The following SLC29A2 variants were observed in gnomAD, a reference collection of about 807,000 sequenced individuals.
SLC29A2 encodes solute carrier family 29 member 2.
Under a neutral mutation model 48.8 loss-of-function variants are expected in SLC29A2, and 37 were observed. The ratio of observed to expected loss-of-function variants is 0.76; its 90% confidence interval spans 0.58 to 1.00. The LOEUF (loss-of-function observed/expected upper bound fraction) is 1.00. Among genes scored for constraint, SLC29A2 ranks in the 50% least tolerant of loss-of-function variants. The pLI is 0.00. For missense variants in SLC29A2, 533 were observed against 578.6 expected (o/e 0.92, Z 0.81); for synonymous variants, 233 against 261.7 (o/e 0.89, Z 1.06).
chr11:66,363,507 T>C lies in SLC29A2; in HGVS notation c.1300A>G (p.Met434Val). The C allele has an allele frequency of 6.2e-7, 1 of 1,614,092 alleles. No homozygotes were observed. Among genetic ancestry groups the C allele is most frequent in the Non-Finnish European group, 8.5e-7 (1 of 1,179,984 alleles). Reference sequence around the variant, plus strand: ...AGTCCCAGGGCCAGGAAGAAGGTCATGAGGGCGCCGGCCACCTCCCTCTCG... The same window carrying C: ...AGTCCCAGGGCCAGGAAGAAGGTCACGAGGGCGCCGGCCACCTCCCTCTCG... ...PHEREVAGALMTFFLALGLSC... is the reference protein window; with the variant it reads ...PHEREVAGALVTFFLALGLSC... Residue 434 changes from methionine (M) to valine (V), a missense_variant, in exon 12 of 12, where the codon ATG (methionine) becomes GTG (valine). Coordinates refer to ENST00000357440, the MANE Select transcript of SLC29A2 (RefSeq NM_001532.3).
intron 4 of SLC29A2, 131 bp from the exon 5 acceptor site, chr11:66,368,802 G>A: frequency 7.9e-7 from 1 of 1,269,270 alleles, no homozygotes; most frequent in Non-Finnish European, 1.1e-6. Flanking sequence ...TAGGGACTCT[G>A]AGCACTCGGG....
chr11:66,366,281 C>T (rs2135000465), intron 8 of SLC29A2, 50 bp from the exon 9 acceptor site: 1 of 1,597,900 alleles, frequency 6.3e-7, no homozygotes, highest in Non-Finnish European at 8.6e-7. Flanking sequence ...CCCAGGGCCC[C>T]ACCCTCTTGC....
rs1417509358 is a variant in SLC29A2 at position 66,363,536 on chromosome 11, G to A, written c.1271C>T (p.Pro424Leu). The A allele has an allele frequency of 1.2e-6, 2 of 1,612,968 alleles. No individual in the cohort carries two copies. The highest frequency in any genetic ancestry group is 1.1e-5 in the South Asian group (1 of 90,840). Reference sequence around the variant, plus strand: ...GGCGCCGGCCACCTCCCTCTCGTGTGGCAGCACCTGCCTAGAACACCCGGG... The same window carrying A: ...GGCGCCGGCCACCTCCCTCTCGTGTAGCAGCACCTGCCTAGAACACCCGGG... ...TMCLAPRQVL[P>L]HEREVAGALM... is the part of the protein sequence containing the mutation. The change falls in exon 12 of 12, where the codon CCA (proline) becomes CTA (leucine). Residue 424 changes from proline to leucine, a missense_variant. Coordinates refer to ENST00000357440, the MANE Select transcript of SLC29A2 (RefSeq NM_001532.3).
chr11:66,371,942 C>G (rs752465507), upstream of SLC29A2: 1 of 363,084 alleles, frequency 2.8e-6, no homozygotes, highest in African/African-American at 2.2e-5. Flanking sequence ...CCGTCCTCTC[C>G]GCGGGGGCGG....
Position 66,371,557 on chromosome 11 carries a change from A to G in SLC29A2, c.29+6T>C, listed in dbSNP as rs1225467113. The G allele has an allele frequency of 5.2e-6, 8 of 1,550,454 alleles. No individual in the cohort carries two copies. In the Admixed American group the frequency reaches 9.8e-5, roughly 19 times the overall value. ...GGCCACTTGCAACGCACCCGGGCCC[A>G]CTCACCTGTCCCGCGGGGCGTCTCC... On this transcript the variant is annotated splice_donor_region_variant and intron_variant, in intron 1 of 11. Coordinates refer to ENST00000357440, the MANE Select transcript of SLC29A2 (RefSeq NM_001532.3).
intron 10 of SLC29A2, chr11:66,364,830 G>T (rs1190793251): frequency 5.7e-6 from 1 of 174,598 alleles, no homozygotes; most frequent in African/African-American, 2.4e-5. Flanking sequence ...TTAAAAATTT[G>T]TGTGTGTGTG....
intron 11 of SLC29A2, 122 bp from the exon 12 acceptor site, chr11:66,363,669 C>A: frequency 1.3e-6 from 1 of 759,780 alleles, no homozygotes; most frequent in African/African-American, 1.7e-5. Context: ...ATAACTGGCC[C>A]CTTCTTTCCG....
rs899677597 is a variant in SLC29A2, at chr11:66,365,837, C to T, written c.1059+99G>A. On this transcript the variant is annotated intron_variant, in intron 10 of 11. Transcript: ENST00000357440. ...CTTGGCCAGTGGTTGCATTACCAGG[C>T]CATTTGGACTACCAGAAAATCACCT... 4 of 1,153,792 alleles carry T rather than the reference C, an allele frequency of 3.5e-6. No homozygotes were observed. In the African/African-American group the frequency reaches 4.5e-5, roughly 13 times the overall value. 71.5% of individuals were successfully genotyped at this position (1,153,792 alleles called of 1,614,324 possible). A position where few individuals can be genotyped will look rare whatever the true frequency, so the allele number is the denominator to read the frequency against.
rs141666252 is a variant in SLC29A2, at chr11:66,366,562, C to T, written c.736G>A (p.Glu246Lys). ...TGGGGACTACTGGGAATCCCGTTCT[C>T]ATCTGGGGTGAGGGGGGACGGGGAA... ...ETKAELLQSD[E>K]NGIPSSPQKV... Residue 246 changes from glutamate to lysine, a missense_variant and splice_region_variant, in exon 8 of 12, where the codon GAG becomes AAG. Transcript: ENST00000357440. 59 of 1,613,414 alleles carry T rather than the reference C, an allele frequency of 3.7e-5. 1 individual carries two copies. The African/African-American group carries it at 6.5e-4, about 18-fold the overall frequency.
At chr11:66,369,247 G>T in intron 3 of SLC29A2, 48 bp from the exon 4 acceptor site, 1 of 1,583,424 alleles carries the variant, frequency 6.3e-7, no homozygotes. Context: ...GGCCAGAGGG[G>T]GCTGGGGAAG....
At chr11:66,366,899 T>C (rs548817507) in intron 7 of SLC29A2, among the ~76,000 whole-genome samples, 39 of 152,252 alleles carry the variant, frequency 2.6e-4, no homozygotes, top group African/African-American at 8.9e-4. Flanking sequence ...TGAGTTGTGA[T>C]AGCACTGCAG....
chr11:66,371,359 C>T (rs777926468), intron 1 of SLC29A2, 34 bp from the exon 2 acceptor site: 8 of 1,603,410 alleles, frequency 5.0e-6, no homozygotes, highest in Admixed American at 3.3e-5. Context: ...ACCCCGAGGA[C>T]GCACCCGCCT....
chr11:66,369,577 C>A, intron 2 of SLC29A2, 45 bp from the exon 3 acceptor site: 1 of 1,606,960 alleles, frequency 6.2e-7, no homozygotes, highest in Non-Finnish European at 8.5e-7. Context: ...TCTCAGCCTT[C>A]CCCCGCTGCC....
chr11:66,369,122 T>C lies in SLC29A2; in HGVS notation c.353A>G (p.Lys118Arg). The change falls in exon 4 of 12, where the codon AAG (lysine) becomes AGG (arginine). Residue 118 changes from lysine to arginine, a missense_variant. Lys to Arg is a conservative substitution (Grantham distance 26). Transcript: ENST00000357440. ...GAAGGGTCCGGGGCTCATGTCCACC[T>C]TGACCAGCGCTGCTGTCAGGGCAAA... ...LLFALTAALV[K>R]VDMSPGPFFS... is the part of the protein sequence containing the mutation. 6.3e-7 allele frequency: 1 copy of C among 1,591,526 alleles called. No homozygotes were observed. Among genetic ancestry groups the C allele is most frequent in the Non-Finnish European group, 8.6e-7 (1 of 1,169,206 alleles).
Position 66,371,616 on chromosome 11 carries a change from G to A in SLC29A2, c.-25C>T, listed in dbSNP as rs750447102. On this transcript the variant is annotated 5_prime_UTR_variant, in exon 1 of 12. Transcript: ENST00000357440. ...TGGCCGCCGCGGCGGATGCGCCTGG[G>A]GTGAAAGGGGCAGAGAAGCCGCACC... 4.5e-6 allele frequency: 7 copies of A among 1,544,966 alleles called. No individual in the cohort carries two copies. Among genetic ancestry groups the A allele is most frequent in the Non-Finnish European group, 5.2e-6 (6 of 1,150,200 alleles).
rs746422116 is a variant in SLC29A2 at position 66,366,118 on chromosome 11, ACACT to A, written c.973+4_973+7del. 1.1e-5 allele frequency: 18 copies of A among 1,612,594 alleles called. No homozygotes were observed. Among genetic ancestry groups the A allele is most frequent in the South Asian group, 4.4e-5 (4 of 90,988 alleles). On this transcript the variant is annotated splice_donor_5th_base_variant and intron_variant, in intron 9 of 11. Coordinates refer to ENST00000357440, the MANE Select transcript of SLC29A2 (RefSeq NM_001532.3). ...CTGCCCTGCCGTCTTCTCCACCCTGACACTCACTCCACTTCCCAGGACTGGTGGA... is the reference window on the plus strand; with the variant it reads ...CTGCCCTGCCGTCTTCTCCACCCTGACACTCCACTTCCCAGGACTGGTGGA...
chr11:66,370,129 C>A (rs1198098895), intron 2 of SLC29A2, among the ~76,000 whole-genome samples: 1 of 152,250 alleles, frequency 6.6e-6, no homozygotes, highest in Non-Finnish European at 1.5e-5. Context: ...TCGTCTCTTG[C>A]CTGCCTGCCT....
Position 66,371,654 on chromosome 11 carries a change from G to A in SLC29A2, c.-63C>T, listed in dbSNP as rs1023219525. Reference sequence around the variant, plus strand: ...GAGAAGCCGCACCTGCACCTGCGCTGGGGCGGAGGGCCGCAGACCGGTGGG... The same window carrying A: ...GAGAAGCCGCACCTGCACCTGCGCTAGGGCGGAGGGCCGCAGACCGGTGGG... On this transcript the variant is annotated 5_prime_UTR_variant, in exon 1 of 12. Coordinates refer to ENST00000357440, the MANE Select transcript of SLC29A2 (RefSeq NM_001532.3). 8 of 1,505,494 alleles carry A rather than the reference G, an allele frequency of 5.3e-6. No individual in the cohort carries two copies. In the East Asian group the frequency reaches 1.7e-4, roughly 33 times the overall value. 93.3% of individuals were successfully genotyped at this position (1,505,494 alleles called of 1,614,324 possible). A position where few individuals can be genotyped will look rare whatever the true frequency, so the allele number is the denominator to read the frequency against.
intron 2 of SLC29A2, 69 bp downstream of exon 2, chr11:66,371,175 T>C: frequency 1.4e-6 from 2 of 1,432,540 alleles, no homozygotes; most frequent in Non-Finnish European, 2.0e-6. Flanking sequence ...CCGCTAAGCT[T>C]CATCCAAAGG....
Sources: gnomAD v4.1 joint callset for allele counts (sites outside exome capture counted in the v4.1 genomes callset) on GRCh38, gnomAD v4.1.1 for gene constraint, MANE v1.5 for transcripts, NCBI Gene and HGNC (gene_info 2026-07-23, HGNC 2026-07-21) for gene names.